VPS53: variants seen among roughly 807,000 people sequenced by gnomAD.
VPS53 encodes VPS53 subunit of GARP complex.
VPS53 carries 70 observed loss-of-function variants against 107.0 expected under a neutral mutation model. The observed-to-expected ratio is 0.65, with a 90% CI of 0.54 to 0.80. The LOEUF (loss-of-function observed/expected upper bound fraction) is 0.80, where lower values mean the gene tolerates loss of function less well. VPS53 is among the 30% of genes least tolerant of loss of function. The pLI is 0.00. For missense variants in VPS53, 917 were observed against 1,049.4 expected, an observed-to-expected ratio of 0.87 and a Z score of 1.74; for synonymous variants, 409 against 393.3, an observed-to-expected ratio of 1.04 and a Z score of -0.47.
At chr17:700,575 TG>T (rs1248216581) in intron 2 of VPS53, among the ~76,000 whole-genome samples, 1 of 152,120 alleles carries the variant, frequency 6.6e-6, no homozygotes, top group Non-Finnish European at 1.5e-5. Flanking sequence ...TTCTTCTTTT[TG>T]TCTGTATTTT....
At chr17:699,260 T>C in intron 3 of VPS53, 71 bp downstream of exon 3, 1 of 1,286,524 alleles carries the variant, frequency 7.8e-7, no homozygotes, top group Non-Finnish European at 1.0e-6. Context: ...AAAAATGTGA[T>C]CCAGAATGTG....
intron 8 of VPS53, 74 bp from the exon 9 acceptor site, chr17:628,305 C>G: frequency 1.3e-6 from 2 of 1,538,930 alleles, no homozygotes; most frequent in South Asian, 1.2e-5. Context: ...ACAGCCACTA[C>G]TTGTTATCTC....
At chr17:654,736 CAAAA>C (rs35308893) in intron 6 of VPS53, among the ~76,000 whole-genome samples, 1 of 67,536 alleles carries the variant, frequency 1.5e-5, no homozygotes. Flanking sequence ...GACTCCAACT[CAAAA>C]AAAAAAAAAA....
chr17:527,830 T>C (rs944716452), intron 19 of VPS53, among the ~76,000 whole-genome samples: 14 of 152,332 alleles, frequency 9.2e-5, no homozygotes, highest in African/African-American at 3.1e-4. Context: ...CAGGCTGATC[T>C]CAAACTGCTG....
In VPS53 at chr17:714,684, A is replaced by G; in HGVS notation, c.26T>C (p.Phe9Ser). MMEEEELEFVEELEAVLQL... is the reference protein window; with the variant it reads MMEEEELESVEELEAVLQL... ...CAGCACGGCTTCCAGCTCCTCCACGAACTCCAGTTCCTCCTCCTCCATCAT... is the reference window on the plus strand; with the variant it reads ...CAGCACGGCTTCCAGCTCCTCCACGGACTCCAGTTCCTCCTCCTCCATCAT... The change falls in exon 1 of 22, where the codon TTC becomes TCC. Residue 9 changes from phenylalanine to serine, a missense_variant. Physicochemically the swap from Phe to Ser is radical, Grantham distance 155 (BLOSUM62 -2). Transcript: ENST00000437048. The G allele has an allele frequency of 2.5e-6, 4 of 1,611,864 alleles. No homozygotes were observed. Among genetic ancestry groups the G allele is most frequent in the Middle Eastern group, 3.3e-4 (2 of 6,044 alleles).
chr17:710,447 T>C (rs1344468906), intron 2 of VPS53, 86 bp downstream of exon 2: 3 of 1,022,508 alleles, frequency 2.9e-6, no homozygotes, highest in Middle Eastern at 2.1e-4. Flanking sequence ...CAAGGGCCCG[T>C]AGATGATCTA....
intron 4 of VPS53, among the ~76,000 whole-genome samples, chr17:662,853 G>GGAAC (rs1971520783): frequency 2.7e-4 from 24 of 90,552 alleles, no homozygotes; most frequent in South Asian, 4.9e-4. Flanking sequence ...AAGGAAGGAA[G>GGAAC]GAAGGAAGGA....
intron 4 of VPS53, among the ~76,000 whole-genome samples, chr17:696,600 C>A (rs1040334698): frequency 6.6e-6 from 1 of 152,118 alleles, no homozygotes; most frequent in Non-Finnish European, 1.5e-5. Context: ...GATGCCTCAA[C>A]AGAAGAACAG....
At chr17:672,106 GGT>G (rs1971972846) in intron 4 of VPS53, among the ~76,000 whole-genome samples, 2 of 42,456 alleles carry the variant, frequency 4.7e-5, no homozygotes, top group African/African-American at 1.5e-4. Flanking sequence ...AGATGATGAG[GGT>G]GACACACACA....
Position 642,365 on chromosome 17 carries a change from A to G in VPS53, c.609-10737T>C, listed in dbSNP as rs536602735. On this transcript the variant is annotated intron_variant, in intron 7 of 21. Coordinates refer to ENST00000437048, the MANE Select transcript of VPS53 (RefSeq NM_001128159.3). ...TACTTGGAAAGCGAGGACAACACTC[A>G]TACTTGGAAAGCGAGGAAAACACTC... Among the ~76,000 whole-genome samples, 1,419 of 151,724 alleles carry G rather than the reference A, an allele frequency of 9.4e-3. 28 individuals carry two copies. Among genetic ancestry groups the G allele is most frequent in the African/African-American group, 0.032 (1,326 of 41,144 alleles).
At chr17:599,239 G>A (rs1395907525) in intron 12 of VPS53, among the ~76,000 whole-genome samples, 1 of 151,992 alleles carries the variant, frequency 6.6e-6, no homozygotes, top group African/African-American at 2.4e-5. Flanking sequence ...CCACCACCCT[G>A]TCTGGGAGGT....
chr17:620,477 G>A (rs1265311265), intron 11 of VPS53, among the ~76,000 whole-genome samples: 1 of 152,178 alleles, frequency 6.6e-6, no homozygotes, highest in Non-Finnish European at 1.5e-5. Context: ...CCTGCCCCCG[G>A]CTTCAACCAC....
At chr17:566,000 G>A (rs1027332945) in intron 13 of VPS53, among the ~76,000 whole-genome samples, 3 of 151,892 alleles carry the variant, frequency 2.0e-5, no homozygotes, top group East Asian at 1.9e-4. Flanking sequence ...TCAGGAGATC[G>A]AGACCATCCC....
In VPS53 at chr17:713,054, A is replaced by G. The variant is rs536795453; in HGVS notation, c.87+1569T>C. Among the ~76,000 whole-genome samples, 3 of 152,262 alleles carry G rather than the reference A, an allele frequency of 2.0e-5. No individual in the cohort carries two copies. In the South Asian group the frequency reaches 6.2e-4, roughly 32 times the overall value. On this transcript the variant is annotated intron_variant, in intron 1 of 21. Transcript: ENST00000437048. ...TCCAACCACTACTGGAAAAACACAC[A>G]TCGAAGCGTCAATGAATGCACCTGT...
chr17:532,671 A>G, intron 19 of VPS53, 171 bp downstream of exon 19: 1 of 1,405,372 alleles, frequency 7.1e-7, no homozygotes, highest in Non-Finnish European at 9.3e-7. Context: ...AAAATTTTTA[A>G]AAATAAATGG....
At chr17:667,413 G>C (rs960021674) in intron 4 of VPS53, among the ~76,000 whole-genome samples, 10 of 151,088 alleles carry the variant, frequency 6.6e-5, no homozygotes, top group African/African-American at 1.7e-4. Context: ...CGTCTGCTTG[G>C]GAGTGATTTA....
intron 7 of VPS53, among the ~76,000 whole-genome samples, chr17:644,560 G>A (rs542039035): frequency 1.3e-5 from 2 of 151,914 alleles, no homozygotes; most frequent in South Asian, 4.2e-4. Context: ...ATAAGAAGTT[G>A]TCTCCTCTTG....
intron 15 of VPS53, among the ~76,000 whole-genome samples, chr17:559,601 C>A (rs996671104): frequency 6.6e-6 from 1 of 152,250 alleles, no homozygotes; most frequent in East Asian, 1.9e-4. Flanking sequence ...TTGGTAGACA[C>A]ACTTCCTATT....
chr17:634,724 C>T (rs1300463859), intron 7 of VPS53, among the ~76,000 whole-genome samples: 9 of 152,056 alleles, frequency 5.9e-5, no homozygotes, highest in South Asian at 4.1e-4. Context: ...GGGACATGAA[C>T]TCATCCTTTT....
Sources: allele counts gnomAD v4.1 joint callset (sites outside exome capture counted in the v4.1 genomes callset), GRCh38; gene constraint gnomAD v4.1.1; transcripts MANE v1.5; gene names NCBI Gene and HGNC (gene_info 2026-07-23, HGNC 2026-07-21).